SLIT3: variants seen among roughly 807,000 people sequenced by gnomAD.
SLIT3 encodes slit homolog 3 protein.
SLIT3 carries 68 observed loss-of-function variants against 184.0 expected under a neutral mutation model. The observed-to-expected ratio is 0.37, with a 90% CI of 0.30 to 0.45. The LOEUF (loss-of-function observed/expected upper bound fraction) is 0.45. Among genes scored for constraint, SLIT3 ranks in the 20% least tolerant of loss-of-function variants. The pLI is 1.00. For missense variants in SLIT3, 1,707 were observed against 2,026.0 expected (o/e 0.84, Z 3.02); for synonymous variants, 831 against 828.6 (o/e 1.00, Z -0.05).
chr5:169,141,965 G>T (rs954042540), intron 4 of SLIT3, among the ~76,000 whole-genome samples: 1 of 150,986 alleles, frequency 6.6e-6, no homozygotes, highest in Non-Finnish European at 1.5e-5. Flanking sequence ...CAGGAGAATA[G>T]CGTGAACCTG....
chr5:169,240,479 A>ATT (rs1765360904), intron 3 of SLIT3, among the ~76,000 whole-genome samples: 1 of 151,472 alleles, frequency 6.6e-6, no homozygotes, highest in East Asian at 1.9e-4. Context: ...TTATCATTAC[A>ATT]AAATTCCCTC....
At chr5:168,895,226 C>T (rs1386109716) in intron 4 of SLIT3, among the ~76,000 whole-genome samples, 10 of 152,170 alleles carry the variant, frequency 6.6e-5, no homozygotes, top group Non-Finnish European at 1.5e-4. Flanking sequence ...CTAACCCTAA[C>T]ACTCTTTGTG....
intron 4 of SLIT3, among the ~76,000 whole-genome samples, chr5:169,100,761 C>A (rs144295676): frequency 3.1e-4 from 47 of 152,180 alleles, no homozygotes; most frequent in Non-Finnish European, 1.2e-4. Context: ...ATTCCAGGCA[C>A]CTCCATCCTC....
At chr5:168,757,515 G>A (rs750746263) in intron 16 of SLIT3, among the ~76,000 whole-genome samples, 3 of 151,618 alleles carry the variant, frequency 2.0e-5, no homozygotes, top group Non-Finnish European at 2.9e-5. Flanking sequence ...CTCACTGGAA[G>A]CTCCGCCTCC....
chr5:168,890,203 G>T (rs1267549031), intron 4 of SLIT3, among the ~76,000 whole-genome samples: 3 of 146,736 alleles, frequency 2.0e-5, no homozygotes, highest in Non-Finnish European at 4.5e-5. Context: ...TTATCCAGAA[G>T]AAAGCTTGTC....
intron 4 of SLIT3, among the ~76,000 whole-genome samples, chr5:169,089,162 G>A (rs1759470111): frequency 1.3e-5 from 2 of 150,588 alleles, no homozygotes; most frequent in Admixed American, 6.6e-5. Context: ...CTGCACACAA[G>A]TGCTAATAAA....
At chr5:169,074,874 C>A (rs1283039237) in intron 4 of SLIT3, among the ~76,000 whole-genome samples, 2 of 152,128 alleles carry the variant, frequency 1.3e-5, no homozygotes, top group Non-Finnish European at 2.9e-5. Context: ...TCCAGAGCCA[C>A]CTGAGGGCTT....
chr5:169,072,527 G>A (rs1242087943), intron 4 of SLIT3, among the ~76,000 whole-genome samples: 2 of 152,246 alleles, frequency 1.3e-5, no homozygotes, highest in Non-Finnish European at 2.9e-5. Flanking sequence ...AAATGAAGAT[G>A]TGACTTATTC....
At position 168,684,846 on chromosome 5, in the gene SLIT3, T is replaced by A. The variant is rs1347379800; in HGVS notation, c.3556-750A>T. The stretch of plus-strand genomic sequence containing the variant: ...TAGGAACCAGGCACTATGCTAAGAG[T>A]CATCTGGGGAATTAAAAAAAAAATT... On this transcript the variant is annotated intron_variant, in intron 31 of 35. Coordinates refer to ENST00000519560, the MANE Select transcript of SLIT3 (RefSeq NM_003062.4). 2.6e-5 allele frequency among the ~76,000 whole-genome samples: 4 copies of A among 151,988 alleles called. No homozygotes were observed. In the East Asian group the frequency reaches 7.7e-4, roughly 29 times the overall value.
chr5:169,242,910 C>A (rs1241765172), intron 3 of SLIT3, among the ~76,000 whole-genome samples: 1 of 151,550 alleles, frequency 6.6e-6, no homozygotes, highest in Non-Finnish European at 1.5e-5. Flanking sequence ...AATGTTTATG[C>A]GAGAGGCTAC....
At chr5:168,925,002 C>A (rs746986276) in intron 4 of SLIT3, among the ~76,000 whole-genome samples, 2 of 152,084 alleles carry the variant, frequency 1.3e-5, no homozygotes, top group African/African-American at 2.4e-5. Flanking sequence ...CAGAGTCAAC[C>A]AATATTTATC....
Position 168,712,326 on chromosome 5 carries a change from C to T in SLIT3, c.2512G>A (p.Val838Ile), listed in dbSNP as rs377030068. The T allele has an allele frequency of 1.2e-4, 197 of 1,614,056 alleles. No individual in the cohort carries two copies. Among genetic ancestry groups the T allele is most frequent in the South Asian group, 4.2e-4 (38 of 91,086 alleles). The change falls in exon 24 of 36, where the codon GTT becomes ATT. Residue 838 changes from valine to isoleucine, a missense_variant. Val to Ile is a conservative substitution (Grantham distance 29). Transcript: ENST00000519560. The part of the protein sequence containing the change: ...LTLHGNDISS[V>I]PEGSFNDLTS... The stretch of plus-strand genomic sequence containing the variant: ...AGGTCGTTGAAGGAGCCTTCAGGAA[C>T]GCTGGAAATGTCATTGCCATGGAGG...
intron 4 of SLIT3, among the ~76,000 whole-genome samples, chr5:169,168,410 T>C (rs1192514842): frequency 2.0e-5 from 3 of 152,164 alleles, no homozygotes; most frequent in Admixed American, 2.0e-4. Flanking sequence ...TGGCTTTAAG[T>C]TCTCCCCTGC....
At chr5:168,714,215 TGAG>T (rs1762646943) in intron 23 of SLIT3, among the ~76,000 whole-genome samples, 2 of 152,236 alleles carry the variant, frequency 1.3e-5, no homozygotes, top group South Asian at 4.1e-4. Context: ...CTCTAGTTCA[TGAG>T]GTTATTTATG....
At chr5:169,162,284 C>T (rs188712820) in intron 4 of SLIT3, among the ~76,000 whole-genome samples, 79 of 152,312 alleles carry the variant, frequency 5.2e-4, no homozygotes, top group African/African-American at 1.8e-3. Flanking sequence ...GGCTCAGAAA[C>T]TGGTGGGTAG....
intron 4 of SLIT3, among the ~76,000 whole-genome samples, chr5:169,089,975 C>A (rs1383910116): frequency 6.6e-6 from 1 of 152,200 alleles, no homozygotes; most frequent in Non-Finnish European, 1.5e-5. Flanking sequence ...AGAATCAAAA[C>A]CACTTCAGGT....
intron 8 of SLIT3, among the ~76,000 whole-genome samples, chr5:168,812,812 T>G (rs1757204538): frequency 6.6e-6 from 1 of 152,144 alleles, no homozygotes; most frequent in Non-Finnish European, 1.5e-5. Flanking sequence ...GTGTTTTAAT[T>G]AAAACCTCCT....
chr5:169,058,479 G>T (rs1758079509), intron 4 of SLIT3, among the ~76,000 whole-genome samples: 1 of 152,206 alleles, frequency 6.6e-6, no homozygotes, highest in Non-Finnish European at 1.5e-5. Flanking sequence ...GGATATTTGG[G>T]AGAAGCTGGG....
intron 26 of SLIT3, among the ~76,000 whole-genome samples, chr5:168,704,361 A>G (rs941514142): frequency 6.6e-6 from 1 of 152,210 alleles, no homozygotes; most frequent in Non-Finnish European, 1.5e-5. Context: ...GGCAAAGTAC[A>G]CACACAGCCC....
Sources: allele counts gnomAD v4.1 joint callset (sites outside exome capture counted in the v4.1 genomes callset), GRCh38; gene constraint gnomAD v4.1.1; transcripts MANE v1.5; gene names NCBI Gene and HGNC (gene_info 2026-07-23, HGNC 2026-07-21).